Variants in MT1B observed in about 807,000 individuals in gnomAD.
MT1B encodes metallothionein-1B.
A neutral mutation model predicts 7.9 loss-of-function variants in MT1B; 4 were observed. The observed-to-expected ratio is 0.51, with a 90% confidence interval of 0.25 to 1.16. The LOEUF is 1.16. Among genes scored for constraint, MT1B ranks in the 50% most tolerant of loss-of-function variants. The probability of loss-of-function intolerance (pLI) is 0.15; values close to 1 mark genes in which losing one functional copy is unlikely to be tolerated. For synonymous variants in MT1B, 22 were observed against 27.6 expected (o/e 0.80, Z 0.63); for missense variants, 76 against 75.2 (o/e 1.01, Z -0.04).
chr16:56,652,848 C>G, intron 2 of MT1B, 126 bp from the exon 3 acceptor site: 1 of 1,231,552 alleles, frequency 8.1e-7, no homozygotes, highest in Non-Finnish European at 1.2e-6. Flanking sequence ...CATCAGAACA[C>G]AGCTGTGCCA....
chr16:56,652,093 T>A (rs4619400), intron 1 of MT1B, 112 bp downstream of exon 1: 1,178,404 of 1,359,238 alleles, frequency 0.87, 515,038 homozygotes, highest in Non-Finnish European at 0.89. Flanking sequence ...GGAACTCGTT[T>A]ACTTTTGCCA....
chr16:56,652,548 C>G, intron 1 of MT1B, 23 bp from the exon 2 acceptor site: 1 of 1,612,980 alleles, frequency 6.2e-7, no homozygotes, highest in African/African-American at 1.3e-5. Flanking sequence ...TCACTGCCCA[C>G]TGCCTTTTTC....
At chr16:56,652,493 G>A (rs144380145) in intron 1 of MT1B, 78 bp from the exon 2 acceptor site, 47 of 1,362,870 alleles carry the variant, frequency 3.4e-5, no homozygotes, top group South Asian at 4.7e-5. Context: ...AGAGGATGGC[G>A]CACTGGACAC....
rs933275469 is a variant in MT1B, at chr16:56,651,982, G to T, written c.28+1G>T. ...GATCCCAACTGCTCCTGCACCACAG[G>T]TAAGGGACGCCTGGCTCTGGGCCTT... On this transcript the variant is annotated splice_donor_variant, in intron 1 of 2. Coordinates refer to ENST00000334346, the MANE Select transcript of MT1B (RefSeq NM_005947.3). LOFTEE classifies it high-confidence loss of function. 1 of 1,614,248 alleles carries T rather than the reference G, an allele frequency of 6.2e-7. No homozygotes were observed. Among genetic ancestry groups the T allele is most frequent in the South Asian group, 1.1e-5 (1 of 91,086 alleles).
rs771808453 is a variant in MT1B at position 56,653,072 on chromosome 16, G to A, written c.*7G>A. 29 of 1,613,808 alleles carry A rather than the reference G, an allele frequency of 1.8e-5. No individual in the cohort carries two copies. Among genetic ancestry groups the A allele is most frequent in the Non-Finnish European group, 2.5e-5 (29 of 1,179,932 alleles). ...GTGCCGCTGCTGTGCCTGATGTTGGGAGAGCCCTGCTCCCAGACATAAATA... is the reference window on the plus strand; with the variant it reads ...GTGCCGCTGCTGTGCCTGATGTTGGAAGAGCCCTGCTCCCAGACATAAATA... On this transcript the variant is annotated 3_prime_UTR_variant, in exon 3 of 3. Coordinates refer to ENST00000334346, the MANE Select transcript of MT1B (RefSeq NM_005947.3).
intron 1 of MT1B, 34 bp from the exon 2 acceptor site, chr16:56,652,537 C>T: frequency 1.2e-6 from 2 of 1,606,178 alleles, no homozygotes; most frequent in Non-Finnish European, 8.5e-7. Flanking sequence ...CTGCATCTTA[C>T]TCACTGCCCA....
rs73551698 is a variant in MT1B, at chr16:56,652,689, G to A, written c.94+53G>A. The A allele has an allele frequency of 3.4e-4, 540 of 1,605,100 alleles. 2 individuals carry two copies. The African/African-American group carries it at 6.0e-3, about 18-fold the overall frequency. ...TGGGGCTGTGGCTAAGCTTGGAAGG[G>A]AACACAAGGCTGGCCCTGAGTGCAT... On this transcript the variant is annotated intron_variant, in intron 2 of 2. Transcript: ENST00000334346.
intron 2 of MT1B, 70 bp downstream of exon 2, chr16:56,652,706 T>C (rs1385480839): frequency 5.7e-6 from 9 of 1,571,670 alleles, no homozygotes; most frequent in Middle Eastern, 1.7e-4. Flanking sequence ...AGGCTGGCCC[T>C]GAGTGCATGC....
chr16:56,652,511 C>A, intron 1 of MT1B, 60 bp from the exon 2 acceptor site: 1 of 1,511,128 alleles, frequency 6.6e-7, no homozygotes, highest in Non-Finnish European at 9.2e-7. Context: ...CACTCATGGA[C>A]TCACTGCTGT....
chr16:56,653,144 G>A lies in MT1B; in HGVS notation c.*79G>A, dbSNP rs768263951. On this transcript the variant is annotated 3_prime_UTR_variant, in exon 3 of 3. Coordinates refer to ENST00000334346, the MANE Select transcript of MT1B (RefSeq NM_005947.3). Reference sequence around the variant, plus strand: ...ATTTTTTTTTTTAACTACCCTGACCGGTTTGCTACATTCTTTTTTCTATTC... The same window carrying A: ...ATTTTTTTTTTTAACTACCCTGACCAGTTTGCTACATTCTTTTTTCTATTC... The A allele has an allele frequency of 2.7e-5, 36 of 1,324,936 alleles. No individual in the cohort carries two copies. The highest frequency in any genetic ancestry group is 3.3e-5 in the Non-Finnish European group (31 of 936,718). The allele number at this position is 1,324,936 out of a possible 1,614,324, so 82.1% of individuals were successfully genotyped here.
At chr16:56,652,347 T>A (rs759107480) in intron 1 of MT1B, among the ~76,000 whole-genome samples, 4 of 152,190 alleles carry the variant, frequency 2.6e-5, no homozygotes, top group Non-Finnish European at 5.9e-5. Context: ...CTTCCTGGAC[T>A]GTGTGTGGAG....
intron 1 of MT1B, among the ~76,000 whole-genome samples, chr16:56,652,218 G>A (rs1960562807): frequency 6.6e-6 from 1 of 152,244 alleles, no homozygotes; most frequent in Non-Finnish European, 1.5e-5. Context: ...ACCTAGTCAG[G>A]GGGCTGCTGG....
intron 1 of MT1B, among the ~76,000 whole-genome samples, 172 bp from the exon 2 acceptor site, chr16:56,652,399 C>G (rs1960565378): frequency 6.6e-6 from 1 of 152,140 alleles, no homozygotes; most frequent in Admixed American, 6.5e-5. Flanking sequence ...GGGTGCTTGC[C>G]CTTCCCAGCC....
Position 56,651,990 on chromosome 16 carries a change from C to A in MT1B, c.28+9C>A, listed in dbSNP as rs770081685. On this transcript the variant is annotated intron_variant, in intron 1 of 2. Coordinates refer to ENST00000334346, the MANE Select transcript of MT1B (RefSeq NM_005947.3). ...CTGCTCCTGCACCACAGGTAAGGGA[C>A]GCCTGGCTCTGGGCCTTGAGATGCC... The A allele has an allele frequency of 1.9e-6, 3 of 1,614,084 alleles. No individual in the cohort carries two copies. Among genetic ancestry groups the A allele is most frequent in the South Asian group, 1.1e-5 (1 of 91,084 alleles).
intron 2 of MT1B, 24 bp from the exon 3 acceptor site, chr16:56,652,950 T>G: frequency 6.2e-7 from 1 of 1,611,178 alleles, no homozygotes; most frequent in Non-Finnish European, 8.5e-7. Flanking sequence ...AGCTGTGACC[T>G]CTCACTCTCC....
intron 2 of MT1B, 105 bp downstream of exon 2, chr16:56,652,741 C>G: frequency 7.0e-7 from 1 of 1,428,346 alleles, no homozygotes; most frequent in Non-Finnish European, 9.9e-7. Flanking sequence ...CTTCCTTTGC[C>G]CCTGTTGGCT....
chr16:56,652,584 C>T lies in MT1B; in HGVS notation c.42C>T (p.Ala14=). The T allele has an allele frequency of 1.2e-6, 2 of 1,614,016 alleles. No homozygotes were observed. Among genetic ancestry groups the T allele is most frequent in the Non-Finnish European group, 1.7e-6 (2 of 1,179,914 alleles). ...GCTTCCTTGCAGGTGGCTCCTGTGC[C>T]TGCGCCGGCTCCTGCAAGTGCAAAG... ...NCSCTTGGSC[A]CAGSCKCKEC... is the part of the protein sequence containing the mutation. Residue 14 remains alanine (A), a synonymous_variant, in exon 2 of 3, where the codon GCC becomes GCT. Transcript: ENST00000334346.
At chr16:56,652,456 A>G in intron 1 of MT1B, 115 bp from the exon 2 acceptor site, 1 of 1,013,848 alleles carries the variant, frequency 9.9e-7, no homozygotes, top group South Asian at 1.3e-5. Flanking sequence ...CTGAGTGGGA[A>G]AGGAGCTCTG....
chr16:56,652,677 A>G (rs1167762695), intron 2 of MT1B, 41 bp downstream of exon 2: 1 of 1,610,692 alleles, frequency 6.2e-7, no homozygotes, highest in Non-Finnish European at 8.5e-7. Flanking sequence ...GGCTGTGGCT[A>G]AGCTTGGAAG....
Sources: allele counts gnomAD v4.1 joint callset (sites outside exome capture counted in the v4.1 genomes callset), GRCh38; gene constraint gnomAD v4.1.1; transcripts MANE v1.5; gene names NCBI Gene and HGNC (gene_info 2026-07-23, HGNC 2026-07-21).